The following ARHGEF7 variants were observed in gnomAD, a reference collection of about 807,000 sequenced individuals.
The protein encoded by ARHGEF7 is Rho guanine nucleotide exchange factor 7, also known as PAK-interacting exchange factor beta.
A neutral mutation model predicts 109.8 loss-of-function variants in ARHGEF7; 33 were observed. That is an observed-to-expected ratio of 0.30 (90% CI 0.23 to 0.40). The LOEUF is 0.40. Ranked by LOEUF, ARHGEF7 falls within the 10% of genes least tolerant of loss-of-function variation. The pLI, the probability that ARHGEF7 is intolerant of heterozygous loss-of-function variation, is 1.00. For synonymous variants in ARHGEF7, 458 were observed against 424.6 expected, an observed-to-expected ratio of 1.08 and a Z score of -0.97; for missense variants, 938 against 1,098.5, an observed-to-expected ratio of 0.85 and a Z score of 2.07.
In ARHGEF7 at chr13:111,292,512, A is replaced by G. The variant is rs549730864; in HGVS notation, c.2311+218A>G. On this transcript the variant is annotated intron_variant, in intron 19 of 21. Coordinates refer to ENST00000646102, the MANE Select transcript of ARHGEF7 (RefSeq NM_001354046.2). ...GCCGATGCGAGTATACATTCGAATG[A>G]CTGACTATTGGAGGGAGGTGGTGTG... is the stretch of plus-strand genomic sequence containing the variant. The G allele has an allele frequency of 8.4e-6, 12 of 1,425,586 alleles. No homozygotes were observed. In the African/African-American group the frequency reaches 1.0e-4, roughly 12 times the overall value. The allele number at this position is 1,425,586 out of a possible 1,614,324, so 88.3% of individuals were successfully genotyped here.
At chr13:111,153,359 G>C (rs1413412344) in intron 1 of ARHGEF7, among the ~76,000 whole-genome samples, 1 of 152,098 alleles carries the variant, frequency 6.6e-6, no homozygotes, top group Non-Finnish European at 1.5e-5. Context: ...GTGTCTGCGG[G>C]GCCAGGCCAA....
chr13:111,280,385 G>T lies in ARHGEF7; in HGVS notation c.1585+35G>T, dbSNP rs995800642. Reference sequence around the variant, plus strand: ...ACAAGCTGTGTGAGTGCTGTGTCTCGGGGAGGAGAGGCAGCTTGTCCCCGC... The same window carrying T: ...ACAAGCTGTGTGAGTGCTGTGTCTCTGGGAGGAGAGGCAGCTTGTCCCCGC... On this transcript the variant is annotated intron_variant, in intron 14 of 21. Transcript: ENST00000646102. 3 of 1,596,384 alleles carry T rather than the reference G, an allele frequency of 1.9e-6. No homozygotes were observed. The South Asian group carries it at 3.4e-5, about 18-fold the overall frequency.
intron 2 of ARHGEF7, among the ~76,000 whole-genome samples, chr13:111,179,284 A>C (rs371515881): frequency 6.6e-6 from 1 of 151,994 alleles, no homozygotes; most frequent in East Asian, 1.9e-4. Context: ...GGGTTTCGCT[A>C]TGTTGACCAG....
At chr13:111,147,543 C>T (rs1480547443) in intron 1 of ARHGEF7, among the ~76,000 whole-genome samples, 2 of 152,180 alleles carry the variant, frequency 1.3e-5, no homozygotes, top group Non-Finnish European at 2.9e-5. Flanking sequence ...CACAATATTC[C>T]AAACATGTTT....
intron 1 of ARHGEF7, among the ~76,000 whole-genome samples, chr13:111,146,627 C>G (rs2075608017): frequency 6.6e-6 from 1 of 152,172 alleles, no homozygotes; most frequent in Non-Finnish European, 1.5e-5. Context: ...ATTTGCCTTG[C>G]TGATACTGCT....
intron 2 of ARHGEF7, among the ~76,000 whole-genome samples, chr13:111,164,916 C>T (rs1192193004): frequency 6.6e-6 from 1 of 152,186 alleles, no homozygotes; most frequent in African/African-American, 2.4e-5. Context: ...TCCAAGGCAG[C>T]CACCATTTTA....
At chr13:111,161,414 G>A (rs1309132111) in intron 2 of ARHGEF7, among the ~76,000 whole-genome samples, 1 of 152,194 alleles carries the variant, frequency 6.6e-6, no homozygotes, top group Non-Finnish European at 1.5e-5. Flanking sequence ...GTCCTGTGTT[G>A]CCACTCGCCA....
intron 2 of ARHGEF7, among the ~76,000 whole-genome samples, chr13:111,180,010 C>T (rs1402545101): frequency 6.6e-6 from 1 of 152,062 alleles, no homozygotes; most frequent in Non-Finnish European, 1.5e-5. Flanking sequence ...GATACTTTAC[C>T]CCCAAACGTT....
intron 1 of ARHGEF7, among the ~76,000 whole-genome samples, chr13:111,153,389 G>A (rs1237872125): frequency 6.6e-6 from 1 of 152,124 alleles, no homozygotes; most frequent in East Asian, 1.9e-4. Flanking sequence ...GCAGGGAGGA[G>A]GCCGAGCGCG....
chr13:111,179,599 T>G (rs2078542164), intron 2 of ARHGEF7, among the ~76,000 whole-genome samples: 1 of 152,246 alleles, frequency 6.6e-6, no homozygotes, highest in Non-Finnish European at 1.5e-5. Context: ...TTCAGATATC[T>G]CTGGTGGTCT....
intron 4 of ARHGEF7, among the ~76,000 whole-genome samples, chr13:111,213,163 A>G (rs1308228892): frequency 6.6e-6 from 1 of 152,186 alleles, no homozygotes; most frequent in Non-Finnish European, 1.5e-5. Context: ...TAAAGTAATC[A>G]GGTGATTAAT....
At chr13:111,270,296 G>T (rs2092033034) in intron 9 of ARHGEF7, among the ~76,000 whole-genome samples, 1 of 152,252 alleles carries the variant, frequency 6.6e-6, no homozygotes, top group African/African-American at 2.4e-5. Context: ...ACAGCACTGT[G>T]TCGGTAAGGA....
intron 1 of ARHGEF7, among the ~76,000 whole-genome samples, chr13:111,135,942 T>C (rs1313586066): frequency 3.3e-5 from 5 of 152,310 alleles, no homozygotes; most frequent in Admixed American, 3.3e-4. Flanking sequence ...TTGTCATAAA[T>C]AGCTCTTATT....
intron 1 of ARHGEF7, among the ~76,000 whole-genome samples, chr13:111,123,129 C>T (rs2067306492): frequency 6.6e-6 from 1 of 152,224 alleles, no homozygotes; most frequent in Non-Finnish European, 1.5e-5. Context: ...TGAATCTGAG[C>T]TGTGACTTGT....
At chr13:111,125,117 T>G (rs1044801371) in intron 1 of ARHGEF7, among the ~76,000 whole-genome samples, 3 of 152,152 alleles carry the variant, frequency 2.0e-5, no homozygotes, top group African/African-American at 7.2e-5. Context: ...CCTGGCTGTT[T>G]TGGAGGGATT....
chr13:111,282,701 A>C (rs1186457937), intron 15 of ARHGEF7: 2 of 191,646 alleles, frequency 1.0e-5, no homozygotes, highest in Non-Finnish European at 2.1e-5. Context: ...AGTTTCGCCC[A>C]GTACTTTATC....
chr13:111,250,331 G>A (rs1566960773), intron 8 of ARHGEF7, among the ~76,000 whole-genome samples: 1 of 152,212 alleles, frequency 6.6e-6, no homozygotes, highest in Non-Finnish European at 1.5e-5. Flanking sequence ...CGGCGCTTGT[G>A]CACACGCTGC....
intron 4 of ARHGEF7, among the ~76,000 whole-genome samples, chr13:111,216,598 G>A (rs1456901655): frequency 6.6e-6 from 1 of 152,176 alleles, no homozygotes; most frequent in East Asian, 1.9e-4. Context: ...GATGTTGCTG[G>A]TGGGGATAGA....
At chr13:111,265,367 G>A in intron 8 of ARHGEF7, 1 of 353,014 alleles carries the variant, frequency 2.8e-6, no homozygotes, top group Admixed American at 3.8e-5. Context: ...ATAAAAAATG[G>A]TTGAAAAACA....
Sources: allele counts gnomAD v4.1 joint callset (sites outside exome capture counted in the v4.1 genomes callset), GRCh38; gene constraint gnomAD v4.1.1; transcripts MANE v1.5; gene names NCBI Gene and HGNC (gene_info 2026-07-23, HGNC 2026-07-21).